FHOD3: variants seen among roughly 807,000 people sequenced by gnomAD.
FHOD3 encodes the protein formin homology 2 domain containing 3.
In FHOD3, 90 loss-of-function variants were observed where a neutral mutation model predicts 173.0. The observed-to-expected ratio is 0.52, with a 90% CI of 0.44 to 0.62. The LOEUF is 0.62. FHOD3 is among the 20% of genes least tolerant of loss of function. The probability of loss-of-function intolerance (pLI) is 0.00; values close to 1 mark genes in which losing one functional copy is unlikely to be tolerated. For missense variants in FHOD3, 1,945 were observed against 2,034.7 expected (o/e 0.96, Z 0.85); for synonymous variants, 828 against 823.0 (o/e 1.01, Z -0.10).
At chr18:36,472,513 C>T (rs530522581) in intron 3 of FHOD3, among the ~76,000 whole-genome samples, 19 of 152,270 alleles carry the variant, frequency 1.2e-4, no homozygotes, top group Non-Finnish European at 2.5e-4. Context: ...AATTCCAGAA[C>T]ATTTTCATCA....
chr18:36,534,000 A>G (rs1362743075), intron 5 of FHOD3, among the ~76,000 whole-genome samples: 6 of 152,286 alleles, frequency 3.9e-5, no homozygotes. Flanking sequence ...TCCTGCCTCC[A>G]ATGATAAGAA....
Position 36,709,303 on chromosome 18 carries a change from C to T in FHOD3, c.2445C>T (p.Asp815=). ...ERQNEGVNER[D]NCSASSVSSS... ...AGAACGAGGGGGTGAACGAGAGGGA[C>T]AACTGCTCTGCCTCCAGCGTCTCGT... is the stretch of plus-strand genomic sequence containing the variant. Residue 815 remains aspartate, a synonymous_variant, in exon 18 of 29, where the codon GAC becomes GAT. Coordinates refer to ENST00000590592, the MANE Select transcript of FHOD3 (RefSeq NM_001281740.3). 6.2e-7 allele frequency: 1 copy of T among 1,614,252 alleles called. No individual in the cohort carries two copies. The highest frequency in any genetic ancestry group is 1.1e-5 in the South Asian group (1 of 91,090).
At chr18:36,740,277 AAGTC>A (rs1202979028) in intron 20 of FHOD3, among the ~76,000 whole-genome samples, 1 of 152,228 alleles carries the variant, frequency 6.6e-6, no homozygotes, top group African/African-American at 2.4e-5. Flanking sequence ...ACATGAACAA[AAGTC>A]AATCTGAGTT....
intron 1 of FHOD3, among the ~76,000 whole-genome samples, chr18:36,310,467 C>T (rs767092693): frequency 1.3e-5 from 2 of 151,966 alleles, no homozygotes; most frequent in African/African-American, 2.4e-5. Context: ...GGGTGGATCA[C>T]CTGAGGTCAG....
intron 3 of FHOD3, among the ~76,000 whole-genome samples, chr18:36,391,857 T>G (rs1420196404): frequency 1.3e-5 from 2 of 152,178 alleles, no homozygotes; most frequent in African/African-American, 4.8e-5. Flanking sequence ...GCCTCCCCTG[T>G]GTCTGCTGAC....
chr18:36,681,422 C>A lies in FHOD3; in HGVS notation c.1836-14C>A. ...AGGCCAAGCAACTGAAACATTAACTCATTGTATCTCCAGGTCATCACCGAG... is the reference window on the plus strand; with the variant it reads ...AGGCCAAGCAACTGAAACATTAACTAATTGTATCTCCAGGTCATCACCGAG... On this transcript the variant is annotated splice_polypyrimidine_tract_variant and intron_variant, in intron 14 of 28. Transcript: ENST00000590592. The A allele has an allele frequency of 6.2e-7, 1 of 1,613,374 alleles. No homozygotes were observed. Among genetic ancestry groups the A allele is most frequent in the Non-Finnish European group, 8.5e-7 (1 of 1,179,606 alleles).
intron 5 of FHOD3, among the ~76,000 whole-genome samples, chr18:36,540,321 G>A (rs1307820056): frequency 6.6e-6 from 1 of 152,188 alleles, no homozygotes; most frequent in Non-Finnish European, 1.5e-5. Context: ...TCTCAGAACT[G>A]TGGTGACTGG....
chr18:36,302,262 T>G (rs903053256), intron 1 of FHOD3, among the ~76,000 whole-genome samples: 1 of 152,226 alleles, frequency 6.6e-6, no homozygotes, highest in African/African-American at 2.4e-5. Context: ...TCTTTGTGGT[T>G]GCCTCGCTGC....
intron 3 of FHOD3, among the ~76,000 whole-genome samples, chr18:36,444,621 A>G (rs2051359643): frequency 6.6e-6 from 1 of 151,504 alleles, no homozygotes; most frequent in Non-Finnish European, 1.5e-5. Flanking sequence ...TCATTCTGTT[A>G]TTTCTTATTG....
intron 6 of FHOD3, among the ~76,000 whole-genome samples, chr18:36,583,236 C>T (rs1319006451): frequency 6.6e-6 from 1 of 152,180 alleles, no homozygotes; most frequent in African/African-American, 2.4e-5. Context: ...ATTGGGGTCA[C>T]AAGGCCTTCC....
At chr18:36,302,889 A>T (rs1435376743) in intron 1 of FHOD3, among the ~76,000 whole-genome samples, 1 of 152,350 alleles carries the variant, frequency 6.6e-6, no homozygotes, top group East Asian at 1.9e-4. Flanking sequence ...TAATTAGCTC[A>T]GTTGGTTGGA....
chr18:36,516,723 A>G (rs1434099518), intron 5 of FHOD3, among the ~76,000 whole-genome samples: 1 of 152,230 alleles, frequency 6.6e-6, no homozygotes, highest in East Asian at 1.9e-4. Context: ...CAGCCTGATT[A>G]ACAGAGCAAG....
intron 8 of FHOD3, among the ~76,000 whole-genome samples, chr18:36,608,118 A>G (rs1478288580): frequency 6.6e-6 from 1 of 152,174 alleles, no homozygotes; most frequent in African/African-American, 2.4e-5. Flanking sequence ...GTTTTCAGTT[A>G]TTTGTTATAG....
intron 15 of FHOD3, among the ~76,000 whole-genome samples, 181 bp from the exon 16 acceptor site, chr18:36,686,947 T>C (rs1415309054): frequency 6.6e-6 from 1 of 152,240 alleles, no homozygotes; most frequent in Non-Finnish European, 1.5e-5. Flanking sequence ...GAAGATCGAT[T>C]GTATTTAATA....
chr18:36,657,265 A>G (rs1200991471), intron 13 of FHOD3, among the ~76,000 whole-genome samples: 2 of 152,232 alleles, frequency 1.3e-5, no homozygotes, highest in Non-Finnish European at 2.9e-5. Context: ...TCTGAGCCTC[A>G]TTATTTGTAA....
intron 3 of FHOD3, among the ~76,000 whole-genome samples, chr18:36,400,480 G>T (rs1255170487): frequency 6.6e-6 from 1 of 152,148 alleles, no homozygotes; most frequent in Non-Finnish European, 1.5e-5. Context: ...CAGCAGCATT[G>T]ACATTACCTA....
chr18:36,552,895 C>T (rs1327562334), intron 5 of FHOD3, among the ~76,000 whole-genome samples: 2 of 152,114 alleles, frequency 1.3e-5, no homozygotes, highest in African/African-American at 4.8e-5. Context: ...CTGTCTTGTG[C>T]CAGTTTTCAA....
chr18:36,685,698 T>C (rs1215971555), intron 15 of FHOD3, among the ~76,000 whole-genome samples: 1 of 152,174 alleles, frequency 6.6e-6, no homozygotes, highest in Non-Finnish European at 1.5e-5. Context: ...TATCCAGTTA[T>C]CAGTACACCA....
At chr18:36,755,798 T>C (rs1238749831) in intron 25 of FHOD3, among the ~76,000 whole-genome samples, 1 of 152,228 alleles carries the variant, frequency 6.6e-6, no homozygotes, top group Non-Finnish European at 1.5e-5. Context: ...TAAACTGATG[T>C]GATTGCTCCA....
Sources: gnomAD v4.1 joint callset for allele counts (sites outside exome capture counted in the v4.1 genomes callset) on GRCh38, gnomAD v4.1.1 for gene constraint, MANE v1.5 for transcripts, NCBI Gene and HGNC (gene_info 2026-07-23, HGNC 2026-07-21) for gene names.